Variants in AFAP1L2 observed in about 807,000 individuals in gnomAD.
The protein encoded by AFAP1L2 is actin filament-associated protein 1-like 2.
In AFAP1L2, 46 loss-of-function variants were observed where a neutral mutation model predicts 99.3. The observed-to-expected ratio is 0.46, with a 90% CI of 0.37 to 0.59. The LOEUF (loss-of-function observed/expected upper bound fraction) is 0.59. Ranked by LOEUF, AFAP1L2 falls within the 20% of genes least tolerant of loss-of-function variation. AFAP1L2 has a pLI of 0.00. For missense variants in AFAP1L2, 959 were observed against 1,034.9 expected, an observed-to-expected ratio of 0.93 and a Z score of 1.01; for synonymous variants, 397 against 419.1, an observed-to-expected ratio of 0.95 and a Z score of 0.64.
chr10:114,328,363 G>C (rs1337128700), intron 4 of AFAP1L2, among the ~76,000 whole-genome samples: 1 of 152,250 alleles, frequency 6.6e-6, no homozygotes, highest in Non-Finnish European at 1.5e-5. Flanking sequence ...TGCTGCAGGT[G>C]CTGCTGCAGG....
intron 11 of AFAP1L2, 67 bp from the exon 12 acceptor site, chr10:114,302,551 C>T: frequency 1.9e-6 from 3 of 1,599,018 alleles, no homozygotes; most frequent in Middle Eastern, 1.8e-4. Context: ...CCCCTCCCCA[C>T]CAGGCCATGA....
chr10:114,327,147 T>TTATATATATATATATATA (rs369500918), intron 4 of AFAP1L2, among the ~76,000 whole-genome samples: 2 of 54,538 alleles, frequency 3.7e-5, no homozygotes, highest in African/African-American at 8.1e-5. Context: ...TTATATATAT[T>TTATATATATATATATATA]TATATATATA....
At chr10:114,352,116 A>G (rs2050598436) in intron 1 of AFAP1L2, among the ~76,000 whole-genome samples, 1 of 152,176 alleles carries the variant, frequency 6.6e-6, no homozygotes, top group South Asian at 2.1e-4. Context: ...AGAGTGGTAG[A>G]AAAAACTCTC....
intron 4 of AFAP1L2, among the ~76,000 whole-genome samples, chr10:114,328,282 C>T (rs953980094): frequency 2.0e-5 from 3 of 152,148 alleles, no homozygotes; most frequent in Admixed American, 6.5e-5. Context: ...ATAAGCATCC[C>T]GAGCCTGTGA....
intron 1 of AFAP1L2, among the ~76,000 whole-genome samples, chr10:114,348,595 C>CA (rs2049964881): frequency 6.6e-6 from 1 of 152,196 alleles, no homozygotes; most frequent in Admixed American, 6.5e-5. Context: ...TTTCCCACAC[C>CA]AGATTGCCAT....
chr10:114,359,826 G>A (rs1333323463), intron 1 of AFAP1L2, among the ~76,000 whole-genome samples: 3 of 152,204 alleles, frequency 2.0e-5, no homozygotes, highest in African/African-American at 7.2e-5. Context: ...AGAAGGCTAA[G>A]TAAACATCCC....
At chr10:114,381,967 A>G (rs12241092) in intron 1 of AFAP1L2, among the ~76,000 whole-genome samples, 28,828 of 152,192 alleles carry the variant, frequency 0.19, 3,238 homozygotes, top group African/African-American at 0.31. Context: ...GATCCCATAA[A>G]GAGATAGCTT....
intron 4 of AFAP1L2, among the ~76,000 whole-genome samples, chr10:114,325,035 G>C (rs2046036080): frequency 6.6e-6 from 1 of 152,186 alleles, no homozygotes; most frequent in African/African-American, 2.4e-5. Flanking sequence ...GGTCCCCAGA[G>C]CCCAGTCCTG....
At chr10:114,376,499 T>C (rs2054817800) in intron 1 of AFAP1L2, among the ~76,000 whole-genome samples, 1 of 152,222 alleles carries the variant, frequency 6.6e-6, no homozygotes, top group Non-Finnish European at 1.5e-5. Context: ...ACATTTGTTT[T>C]AACATGGGGT....
intron 1 of AFAP1L2, among the ~76,000 whole-genome samples, chr10:114,383,081 G>GA (rs1489952768): frequency 2.0e-5 from 3 of 151,462 alleles, no homozygotes; most frequent in Non-Finnish European, 4.4e-5. Flanking sequence ...CATGAAAGAG[G>GA]AAAAAAAAGA....
chr10:114,294,744 G>T, downstream of AFAP1L2: 1 of 837,696 alleles, frequency 1.2e-6, no homozygotes, highest in Non-Finnish European at 1.4e-6. Context: ...TTGTAGTTCA[G>T]TGTGTAAATA....
chr10:114,297,671 C>T (rs187442553), intron 16 of AFAP1L2, among the ~76,000 whole-genome samples: 10 of 152,342 alleles, frequency 6.6e-5, no homozygotes, highest in Admixed American at 2.0e-4. Context: ...GGCCTTAAGT[C>T]CCTTCTTGTA....
At chr10:114,318,532 A>C (rs1042384015) in intron 5 of AFAP1L2, among the ~76,000 whole-genome samples, 1 of 152,076 alleles carries the variant, frequency 6.6e-6, no homozygotes, top group African/African-American at 2.4e-5. Context: ...TGAGGTCAGG[A>C]GTTTGAGACC....
Position 114,340,628 on chromosome 10 carries a change from G to A in AFAP1L2, c.120C>T (p.Leu40=). 6.2e-7 allele frequency: 1 copy of A among 1,614,210 alleles called. No homozygotes were observed. Among genetic ancestry groups the A allele is most frequent in the Non-Finnish European group, 8.5e-7 (1 of 1,180,044 alleles). The change falls in exon 2 of 19, where the codon CTC becomes CTT. Residue 40 remains leucine (L), a synonymous_variant. Coordinates refer to ENST00000304129, the MANE Select transcript of AFAP1L2 (RefSeq NM_001001936.3). The part of the protein sequence containing the change: ...ALVKKSCLAE[L]LRLYTKSSSS... Reference sequence around the variant, plus strand: ...TGCTGCTTTTGGTGTAAAGCCGGAGGAGCTCCGCCAGGCAGCTCTTCTTCA... The same window carrying A: ...TGCTGCTTTTGGTGTAAAGCCGGAGAAGCTCCGCCAGGCAGCTCTTCTTCA...
chr10:114,397,974 C>A (rs541965370), intron 1 of AFAP1L2, among the ~76,000 whole-genome samples: 35 of 152,292 alleles, frequency 2.3e-4, no homozygotes, highest in African/African-American at 7.7e-4. Flanking sequence ...CTCCCCACTC[C>A]TCCCTAATAC....
At chr10:114,382,554 T>A (rs2055797726) in intron 1 of AFAP1L2, among the ~76,000 whole-genome samples, 1 of 151,196 alleles carries the variant, frequency 6.6e-6, no homozygotes, top group South Asian at 2.1e-4. Flanking sequence ...TAGCACTCTA[T>A]CAATTTAGCA....
the AFAP1L2 span, chr10:114,281,722 C>A: frequency 1.2e-3 from 1,188 of 985,302 alleles, 9 homozygotes; most frequent in African/African-American, 0.019. Flanking sequence ...TGGGGCACTG[C>A]GGGAGGCCTG....
intron 1 of AFAP1L2, among the ~76,000 whole-genome samples, chr10:114,386,085 G>C (rs2056465258): frequency 6.6e-6 from 1 of 152,234 alleles, no homozygotes; most frequent in African/African-American, 2.4e-5. Flanking sequence ...CCATCCAGTA[G>C]TAACAGCTTC....
At chr10:114,364,964 G>A (rs906154739) in intron 1 of AFAP1L2, among the ~76,000 whole-genome samples, 1 of 152,164 alleles carries the variant, frequency 6.6e-6, no homozygotes, top group Admixed American at 6.5e-5. Flanking sequence ...GTACCTGGAG[G>A]CCTCCCAGTT....
Sources: gnomAD v4.1 joint callset for allele counts (sites outside exome capture counted in the v4.1 genomes callset) on GRCh38, gnomAD v4.1.1 for gene constraint, MANE v1.5 for transcripts, NCBI Gene and HGNC (gene_info 2026-07-23, HGNC 2026-07-21) for gene names.